PCDHGB1: variants seen among roughly 807,000 people sequenced by gnomAD.
The protein encoded by PCDHGB1 is protocadherin gamma-B1.
In PCDHGB1, 34 loss-of-function variants were observed where a neutral mutation model predicts 56.6. The ratio of observed to expected loss-of-function variants is 0.60; its 90% CI spans 0.46 to 0.80. The LOEUF (loss-of-function observed/expected upper bound fraction) is 0.80, where lower values mean the gene tolerates loss of function less well. Ranked by LOEUF, PCDHGB1 falls within the 30% of genes least tolerant of loss-of-function variation. The pLI is 0.00. For missense variants in PCDHGB1, 1,278 were observed against 1,204.6 expected (o/e 1.06, Z -0.90); for synonymous variants, 561 against 505.9 (o/e 1.11, Z -1.46).
intron 1 of PCDHGB1, chr5:141,419,317 T>G: frequency 1.2e-6 from 2 of 1,613,952 alleles, no homozygotes; most frequent in Non-Finnish European, 1.7e-6. Context: ...TCAACGGCCG[T>G]GTCTCCTACT....
intron 1 of PCDHGB1, among the ~76,000 whole-genome samples, chr5:141,463,489 C>T (rs1190438683): frequency 7.2e-6 from 1 of 138,270 alleles, no homozygotes; most frequent in African/African-American, 2.8e-5. Context: ...CGCTCTGTCA[C>T]CCAGGCTGGA....
chr5:141,505,832 T>G (rs1006398435), intron 3 of PCDHGB1, among the ~76,000 whole-genome samples: 1 of 152,188 alleles, frequency 6.6e-6, no homozygotes, highest in African/African-American at 2.4e-5. Flanking sequence ...AAACCTCAGT[T>G]TCCTCAGCCT....
At position 141,423,563 on chromosome 5, in the gene PCDHGB1, C is replaced by T. The variant is rs745802952; in HGVS notation, c.2409+70894C>T. 9.9e-6 allele frequency: 16 copies of T among 1,613,436 alleles called. No homozygotes were observed. In the Admixed American group the frequency reaches 2.3e-4, roughly 24 times the overall value. ...TTCCCCCAGCCCAACTATGGGGACA[C>T]GCTCATCAGCCAGGAGAGCTGTGAG... On this transcript the variant is annotated intron_variant, in intron 1 of 3. Coordinates refer to ENST00000523390, the MANE Select transcript of PCDHGB1 (RefSeq NM_018922.3).
intron 1 of PCDHGB1, among the ~76,000 whole-genome samples, chr5:141,443,720 T>G (rs1349609652): frequency 2.6e-5 from 4 of 152,156 alleles, no homozygotes; most frequent in Non-Finnish European, 5.9e-5. Flanking sequence ...CATATAAAAT[T>G]CCTCATACAT....
intron 1 of PCDHGB1, chr5:141,427,811 C>T (rs1335555425): frequency 6.6e-7 from 1 of 1,523,180 alleles, no homozygotes; most frequent in Admixed American, 1.7e-5. Flanking sequence ...GCGCACAGAG[C>T]GGGGTGGTGG....
intron 1 of PCDHGB1, among the ~76,000 whole-genome samples, chr5:141,438,633 T>C (rs1222106413): frequency 2.9e-5 from 1 of 34,046 alleles, no homozygotes; most frequent in Non-Finnish European, 5.1e-5. Context: ...TATATATATA[T>C]ATACACACAC....
rs1036281905 is a variant in PCDHGB1 at position 141,493,555 on chromosome 5, T to C, written c.2410-1252T>C. ...GCCAGTTATCCTTTTGGAGATTGAG[T>C]TCCCCCAGCTCCGTTTCCTCCTATC... On this transcript the variant is annotated intron_variant, in intron 1 of 3. Transcript: ENST00000523390. This position sits in a 1 kb window ranked among gnomAD's most constrained non-coding sequence, Gnocchi z 4.3. Among the ~76,000 whole-genome samples, 3 of 152,012 alleles carry C rather than the reference T, an allele frequency of 2.0e-5. No individual in the cohort carries two copies. Among genetic ancestry groups the C allele is most frequent in the African/African-American group, 7.3e-5 (3 of 41,362 alleles).
intron 1 of PCDHGB1, chr5:141,414,557 A>C: frequency 6.2e-7 from 1 of 1,613,906 alleles, no homozygotes. Flanking sequence ...CAAGTCTCCT[A>C]CTTTACCTAT....
At chr5:141,383,656 G>A in intron 1 of PCDHGB1, 1 of 1,614,008 alleles carries the variant, frequency 6.2e-7, no homozygotes, top group South Asian at 1.1e-5. Context: ...AACTGTCCCC[G>A]AGAATGTGCC....
chr5:141,383,108 G>A, intron 1 of PCDHGB1: 2 of 1,614,020 alleles, frequency 1.2e-6, no homozygotes, highest in African/African-American at 2.7e-5. Flanking sequence ...ATCTCCAGAG[G>A]TAGGACGCAG....
chr5:141,387,194 G>T (rs867598874), intron 1 of PCDHGB1, among the ~76,000 whole-genome samples: 1 of 152,178 alleles, frequency 6.6e-6, no homozygotes, highest in Non-Finnish European at 1.5e-5. Flanking sequence ...GGCAATTTTG[G>T]TATTACTGAT....
At chr5:141,408,927 T>C (rs1220361067) in intron 1 of PCDHGB1, 5 of 1,613,512 alleles carry the variant, frequency 3.1e-6, no homozygotes, top group African/African-American at 1.3e-5. Context: ...CCCCCGGTTT[T>C]CAGCAGAGAC....
rs953803165 is a variant in PCDHGB1, at chr5:141,392,978, C to A, written c.2409+40309C>A. 2.5e-6 allele frequency: 4 copies of A among 1,613,808 alleles called. No individual in the cohort carries two copies. The highest frequency in any genetic ancestry group is 1.7e-4 in the Middle Eastern group (1 of 6,054). Reference sequence around the variant, plus strand: ...ATATCTCCAAGGACCTGGGGCTGGACCCCCGGAAGCTGGCGAAGCACGGAG... The same window carrying A: ...ATATCTCCAAGGACCTGGGGCTGGAACCCCGGAAGCTGGCGAAGCACGGAG... On this transcript the variant is annotated intron_variant, in intron 1 of 3. Coordinates refer to ENST00000523390, the MANE Select transcript of PCDHGB1 (RefSeq NM_018922.3).
Position 141,431,939 on chromosome 5 carries a change from T to A in PCDHGB1, c.2410-62868T>A, listed in dbSNP as rs1377573207. The A allele has an allele frequency of 2.2e-5, 35 of 1,613,996 alleles. No individual in the cohort carries two copies. The highest frequency in any genetic ancestry group is 2.9e-5 in the Non-Finnish European group (34 of 1,180,000). On this transcript the variant is annotated intron_variant, in intron 1 of 3. Coordinates refer to ENST00000523390, the MANE Select transcript of PCDHGB1 (RefSeq NM_018922.3). This position sits in a 1 kb window ranked among gnomAD's most constrained non-coding sequence, Gnocchi z 4.8. ...CATCCAAGGAAATCTGCCCTTTAAA[T>A]TAGAAAAATCTTACGGAAATTACTA...
At chr5:141,365,876 G>A (rs1764179173) in intron 1 of PCDHGB1, 2 of 1,614,122 alleles carry the variant, frequency 1.2e-6, no homozygotes, top group Non-Finnish European at 1.7e-6. Context: ...TGTCCTGTAT[G>A]CTCTGAGATC....
intron 1 of PCDHGB1, chr5:141,374,626 C>G (rs748933501): frequency 9.9e-6 from 16 of 1,613,226 alleles, no homozygotes; most frequent in Admixed American, 1.7e-5. Context: ...TCTCAGTGGA[C>G]GTGCAAAGCG....
At chr5:141,441,827 A>G (rs1344314632) in intron 1 of PCDHGB1, 1 of 355,628 alleles carries the variant, frequency 2.8e-6, no homozygotes, top group Non-Finnish European at 5.6e-6. Flanking sequence ...CTGGAGCGCA[A>G]TGGCTTCGCG....
intron 1 of PCDHGB1, among the ~76,000 whole-genome samples, chr5:141,439,104 A>G (rs924055175): frequency 6.6e-6 from 1 of 151,676 alleles, no homozygotes; most frequent in African/African-American, 2.4e-5. Flanking sequence ...GAGGCAAGAG[A>G]ATCACTTGAA....
intron 1 of PCDHGB1, chr5:141,475,926 G>C: frequency 4.8e-6 from 3 of 619,440 alleles, no homozygotes; most frequent in East Asian, 2.9e-5. Context: ...GCTGGAGATC[G>C]GGCCCCTGCC....
Sources: allele counts gnomAD v4.1 joint callset (sites outside exome capture counted in the v4.1 genomes callset), GRCh38; gene constraint gnomAD v4.1.1; non-coding constraint Gnocchi (gnomAD v3.1); transcripts MANE v1.5; gene names NCBI Gene and HGNC (gene_info 2026-07-23, HGNC 2026-07-21).